ADAM11: variants seen among roughly 807,000 people sequenced by gnomAD.
The protein encoded by ADAM11 is ADAM metallopeptidase domain 11, also known as disintegrin and metalloproteinase domain-containing protein 11.
A neutral mutation model predicts 119.1 loss-of-function variants in ADAM11; 49 were observed. The ratio of observed to expected loss-of-function variants is 0.41; its 90% CI spans 0.33 to 0.52. The LOEUF (loss-of-function observed/expected upper bound fraction) is 0.52. ADAM11 is among the 20% of genes least tolerant of loss of function. ADAM11 has a pLI of 0.20. For missense variants in ADAM11, 777 were observed against 1,047.5 expected, an observed-to-expected ratio of 0.74 and a Z score of 3.56; for synonymous variants, 364 against 408.0, an observed-to-expected ratio of 0.89 and a Z score of 1.30.
Position 44,777,762 on chromosome 17 carries a change from C to T in ADAM11, c.1969C>T (p.Pro657Ser), listed in dbSNP as rs139622188. 6.6e-5 allele frequency: 106 copies of T among 1,613,990 alleles called. No homozygotes were observed. In the African/African-American group the frequency reaches 1.3e-3, roughly 20 times the overall value. The change falls in exon 23 of 27, where the codon CCT becomes TCT. Residue 657 changes from proline to serine, a missense_variant. This residue lies in a region of ADAM11 where 348 missense variants were observed against 486.7 expected (regional missense o/e 0.72). Transcript: ENST00000200557. The surrounding 1 kb of genome is among the most constrained non-coding windows in gnomAD (Gnocchi z 5.1). ...SYVEDGTACG[P>S]NMLCLDHRCL... is the part of the protein sequence containing the mutation. ...TGTGGAGGATGGCACAGCCTGCGGG[C>T]CTAACATGTTGTGCCTGGACCATCG...
At chr17:44,765,338 G>A (rs936739938) in intron 2 of ADAM11, among the ~76,000 whole-genome samples, 5 of 152,108 alleles carry the variant, frequency 3.3e-5, no homozygotes, top group South Asian at 4.1e-4. Context: ...GTCTCCTTGC[G>A]GGAGGGGATT....
intron 5 of ADAM11, 32 bp downstream of exon 5, chr17:44,771,701 G>A (rs750925447): frequency 6.2e-7 from 1 of 1,611,054 alleles, no homozygotes; most frequent in Admixed American, 1.7e-5. Context: ...GCAGCTGGGA[G>A]AAGCCTCTGG....
At position 44,777,370 on chromosome 17, in the gene ADAM11, G is replaced by A. The variant is rs1246581046; in HGVS notation, c.1781+105G>A. ...CCAGGAGGAGCCTGTCAGTCCCAAT[G>A]GGCGGGCACGTGGCAAATGAGGTGG... On this transcript the variant is annotated intron_variant, in intron 21 of 26. Coordinates refer to ENST00000200557, the MANE Select transcript of ADAM11 (RefSeq NM_002390.6). This position sits in a 1 kb window ranked among gnomAD's most constrained non-coding sequence, Gnocchi z 5.1. 1.3e-6 allele frequency: 2 copies of A among 1,520,424 alleles called. No homozygotes were observed. Among genetic ancestry groups the A allele is most frequent in the Non-Finnish European group, 1.8e-6 (2 of 1,106,466 alleles). The allele number at this position is 1,520,424 out of a possible 1,614,324, so 94.2% of individuals were successfully genotyped here.
In ADAM11 at chr17:44,771,796, C is replaced by G; in HGVS notation, c.508C>G (p.Pro170Ala). ...SDGNLTYIVEPQEVAGPWGAP... is the reference protein window; with the variant it reads ...SDGNLTYIVEAQEVAGPWGAP... ...TGGGAACTTGACTTACATCGTGGAG[C>G]CCCAAGAGGTGGCTGGACCTTGGGG... Residue 170 changes from proline to alanine, a missense_variant, in exon 6 of 27, where the codon CCC becomes GCC. Physicochemically the swap from Pro to Ala is conservative, Grantham distance 27. Coordinates refer to ENST00000200557, the MANE Select transcript of ADAM11 (RefSeq NM_002390.6). The G allele has an allele frequency of 6.2e-7, 1 of 1,613,138 alleles. No individual in the cohort carries two copies. The highest frequency in any genetic ancestry group is 1.7e-4 in the Middle Eastern group (1 of 6,058).
At chr17:44,765,684 G>T (rs1338304667) in intron 2 of ADAM11, among the ~76,000 whole-genome samples, 1 of 131,866 alleles carries the variant, frequency 7.6e-6, no homozygotes, top group South Asian at 2.4e-4. Flanking sequence ...GCAGTGGCAC[G>T]ATCTTGGCTC....
chr17:44,766,554 G>A (rs1263493706), intron 2 of ADAM11, among the ~76,000 whole-genome samples: 3 of 152,212 alleles, frequency 2.0e-5, no homozygotes, highest in Non-Finnish European at 2.9e-5. Context: ...AGTCACAGCT[G>A]CTGTGGCGAC....
At position 44,759,889 on chromosome 17, in the gene ADAM11, G is replaced by T; in HGVS notation, c.229G>T (p.Gly77Trp). 1 of 1,301,338 alleles carries T rather than the reference G, an allele frequency of 7.7e-7. No individual in the cohort carries two copies. Among genetic ancestry groups the T allele is most frequent in the African/African-American group, 1.5e-5 (1 of 66,166 alleles). 80.6% of individuals were successfully genotyped at this position (1,301,338 alleles called of 1,614,324 possible). Residue 77 changes from glycine (G) to tryptophan (W), a missense_variant, in exon 2 of 27, where the codon GGG (glycine) becomes TGG (tryptophan). Physicochemically the swap from Gly to Trp is radical, Grantham distance 184 (BLOSUM62 -2). Transcript: ENST00000200557. ...CACAAGGGTCCGCCAGGAGCCACCAGGGGGCCCGGTGAGTGGGGCTGGGTG... is the reference window on the plus strand; with the variant it reads ...CACAAGGGTCCGCCAGGAGCCACCATGGGGCCCGGTGAGTGGGGCTGGGTG... Reference protein sequence around the residue: ...LDTRVRQEPPGGPPVHLAQVS... With the variant: ...LDTRVRQEPPWGPPVHLAQVS...
chr17:44,768,947 C>G (rs541568545), intron 2 of ADAM11, among the ~76,000 whole-genome samples: 1 of 152,226 alleles, frequency 6.6e-6, no homozygotes, highest in Admixed American at 6.5e-5. Flanking sequence ...CGTCCTCAAG[C>G]GCCCAGGCCT....
chr17:44,763,665 C>T (rs901605474), intron 2 of ADAM11, among the ~76,000 whole-genome samples: 2 of 152,080 alleles, frequency 1.3e-5, no homozygotes, highest in Admixed American at 6.5e-5. Context: ...TGAATGCAAT[C>T]TGTGGGCTTA....
At chr17:44,768,191 G>C (rs1042118050) in intron 2 of ADAM11, among the ~76,000 whole-genome samples, 2 of 152,198 alleles carry the variant, frequency 1.3e-5, no homozygotes, top group Non-Finnish European at 2.9e-5. Context: ...ACAGTCCCAG[G>C]GGCAGGGGAA....
At position 44,780,321 on chromosome 17, in the gene ADAM11, G is replaced by A. The variant is rs917521630; in HGVS notation, c.*567G>A. 5.5e-6 allele frequency: 2 copies of A among 362,500 alleles called. No homozygotes were observed. The highest frequency in any genetic ancestry group is 2.1e-5 in the African/African-American group (1 of 46,622). 22.5% of individuals were successfully genotyped at this position (362,500 alleles called of 1,614,324 possible). On this transcript the variant is annotated 3_prime_UTR_variant, in exon 27 of 27. Coordinates refer to ENST00000200557, the MANE Select transcript of ADAM11 (RefSeq NM_002390.6). Reference sequence around the variant, plus strand: ...TGGCCATGCCCTAGACCCTCCCCAAGGATGACCACACCCGAAGTCCTGTCA... The same window carrying A: ...TGGCCATGCCCTAGACCCTCCCCAAAGATGACCACACCCGAAGTCCTGTCA...
In ADAM11 at chr17:44,776,678, C is replaced by A. The variant is rs2049605657; in HGVS notation, c.1567-67C>A. On this transcript the variant is annotated intron_variant, in intron 18 of 26. Coordinates refer to ENST00000200557, the MANE Select transcript of ADAM11 (RefSeq NM_002390.6). The surrounding 1 kb of genome is among the most constrained non-coding windows in gnomAD (Gnocchi z 5.2). ...GGGGGCACTTGGTACCCCAGCATTC[C>A]TCCCTGGGGCAGCCCTCAGCTCCAG... The A allele has an allele frequency of 6.3e-7, 1 of 1,577,700 alleles. No individual in the cohort carries two copies. The highest frequency in any genetic ancestry group is 8.7e-7 in the Non-Finnish European group (1 of 1,153,774).
At chr17:44,778,772 A>C (rs1252450983) in intron 25 of ADAM11, among the ~76,000 whole-genome samples, 3 of 151,604 alleles carry the variant, frequency 2.0e-5, no homozygotes, top group African/African-American at 7.3e-5. Context: ...TACACTAGCA[A>C]TTCGGATTTC....
At chr17:44,763,173 G>A (rs1598882151) in intron 2 of ADAM11, among the ~76,000 whole-genome samples, 1 of 152,156 alleles carries the variant, frequency 6.6e-6, no homozygotes, top group Non-Finnish European at 1.5e-5. Flanking sequence ...ACAAGGTAGA[G>A]AAATTACAAT....
intron 2 of ADAM11, among the ~76,000 whole-genome samples, chr17:44,761,804 G>T (rs931050337): frequency 2.7e-5 from 4 of 148,552 alleles, no homozygotes; most frequent in Non-Finnish European, 4.5e-5. Context: ...TCACAACTCT[G>T]TAAGGCTTGT....
Position 44,772,737 on chromosome 17 carries a change from C to T in ADAM11, c.679-120C>T. The T allele has an allele frequency of 1.0e-6, 1 of 974,884 alleles. No individual in the cohort carries two copies. Among genetic ancestry groups the T allele is most frequent in the Non-Finnish European group, 1.6e-6 (1 of 639,332 alleles). The allele number at this position is 974,884 out of a possible 1,614,324, so 60.4% of individuals were successfully genotyped here. The stretch of plus-strand genomic sequence containing the variant: ...GACAGGACCCTCTGCCAGTGGGGAG[C>T]TGGCACTGTCCCTGGCTGGAGTCCA... On this transcript the variant is annotated intron_variant, in intron 8 of 26. Transcript: ENST00000200557. This position sits in a 1 kb window ranked among gnomAD's most constrained non-coding sequence, Gnocchi z 4.5.
In ADAM11 at chr17:44,780,778, G is replaced by T. The variant is rs1647525925; in HGVS notation, c.*1024G>T. ...CTCTGCCTGGGATATGCAAGAGGAA[G>T]TAGGAAAGGGAGGTCTCATGGATGA... is the stretch of plus-strand genomic sequence containing the variant. On this transcript the variant is annotated 3_prime_UTR_variant, in exon 27 of 27. Transcript: ENST00000200557. 6.5e-6 allele frequency: 1 copy of T among 154,838 alleles called. No homozygotes were observed. The highest frequency in any genetic ancestry group is 1.4e-5 in the Non-Finnish European group (1 of 69,878). 9.6% of individuals were successfully genotyped at this position (154,838 alleles called of 1,614,324 possible).
chr17:44,773,532 G>A lies in ADAM11; in HGVS notation c.992+105G>A, dbSNP rs1409860078. On this transcript the variant is annotated intron_variant, in intron 11 of 26. Transcript: ENST00000200557. This position sits in a 1 kb window ranked among gnomAD's most constrained non-coding sequence, Gnocchi z 4.6. ...CTGGCTGCTCCTCTCAGAGTCTGGG[G>A]ACTGGGCTCACCTTGCACCTGCCAC... 7 of 1,410,470 alleles carry A rather than the reference G, an allele frequency of 5.0e-6. No individual in the cohort carries two copies. The South Asian group carries it at 6.9e-5, about 14-fold the overall frequency. The allele number at this position is 1,410,470 out of a possible 1,614,324, so 87.4% of individuals were successfully genotyped here.
chr17:44,772,416 C>T lies in ADAM11; in HGVS notation c.628C>T (p.Pro210Ser). 1 of 1,577,984 alleles carries T rather than the reference C, an allele frequency of 6.3e-7. No individual in the cohort carries two copies. The highest frequency in any genetic ancestry group is 8.6e-7 in the Non-Finnish European group (1 of 1,161,254). The change falls in exon 8 of 27, where the codon CCT (proline) becomes TCT (serine). Residue 210 changes from proline to serine, a missense_variant. Physicochemically the swap from Pro to Ser is moderately conservative, Grantham distance 74 (BLOSUM62 -1). Transcript: ENST00000200557. The surrounding 1 kb of genome is among the most constrained non-coding windows in gnomAD (Gnocchi z 4.5). ...CCCCACAGGCTGCCTGTTTGCTGTGCCTGCCCAGTCGGCTCCTCCAAACCG... is the reference window on the plus strand; with the variant it reads ...CCCCACAGGCTGCCTGTTTGCTGTGTCTGCCCAGTCGGCTCCTCCAAACCG... ...CREPGCLFAV[P>S]AQSAPPNRPR...
Sources: allele counts gnomAD v4.1 joint callset (sites outside exome capture counted in the v4.1 genomes callset), GRCh38; gene constraint gnomAD v4.1.1; regional missense constraint gnomAD v4.1.1; non-coding constraint Gnocchi (gnomAD v3.1); transcripts MANE v1.5; gene names NCBI Gene and HGNC (gene_info 2026-07-23, HGNC 2026-07-21).